The following IPMK variants were observed in gnomAD, a reference collection of about 807,000 sequenced individuals.
IPMK encodes the protein inositol 1,3,4,6-tetrakisphosphate 5-kinase.
Under a neutral mutation model 45.8 loss-of-function variants are expected in IPMK, and 17 were observed. The observed-to-expected ratio is 0.37, with a 90% CI of 0.25 to 0.56. IPMK has a LOEUF of 0.56. Among genes scored for constraint, IPMK ranks in the 20% least tolerant of loss-of-function variants. The pLI, the probability that IPMK is intolerant of heterozygous loss-of-function variation, is 0.79. For synonymous variants in IPMK, 180 were observed against 184.3 expected, an observed-to-expected ratio of 0.98 and a Z score of 0.19; for missense variants, 399 against 498.0, an observed-to-expected ratio of 0.80 and a Z score of 1.89.
At chr10:58,218,260 G>A (rs1486723747) in intron 3 of IPMK, among the ~76,000 whole-genome samples, 1 of 152,162 alleles carries the variant, frequency 6.6e-6, no homozygotes, top group African/African-American at 2.4e-5. Context: ...TCTTGACAGA[G>A]ATATGAAACT....
At chr10:58,229,837 T>C (rs770556931) in intron 2 of IPMK, among the ~76,000 whole-genome samples, 5 of 152,020 alleles carry the variant, frequency 3.3e-5, no homozygotes, top group Admixed American at 6.6e-5. Flanking sequence ...GTTCACATCA[T>C]TGGGATTGGC....
intron 5 of IPMK, among the ~76,000 whole-genome samples, chr10:58,198,243 T>C (rs899144153): frequency 1.3e-5 from 2 of 152,232 alleles, no homozygotes; most frequent in Non-Finnish European, 2.9e-5. Context: ...CTTTTGGGAA[T>C]AGCACTTTCC....
At chr10:58,231,616 C>G (rs1471080054) in intron 2 of IPMK, among the ~76,000 whole-genome samples, 4 of 152,118 alleles carry the variant, frequency 2.6e-5, no homozygotes, top group Non-Finnish European at 5.9e-5. Flanking sequence ...CCTTTACAGA[C>G]AAGTAAATGC....
chr10:58,235,971 C>G (rs940237227), intron 2 of IPMK, among the ~76,000 whole-genome samples: 16 of 151,856 alleles, frequency 1.1e-4, no homozygotes, highest in African/African-American at 3.9e-4. Flanking sequence ...CCTGTCCCCC[C>G]ATGCTGGAGT....
At chr10:58,262,099 T>TG (rs1475538734) in intron 1 of IPMK, among the ~76,000 whole-genome samples, 1 of 151,032 alleles carries the variant, frequency 6.6e-6, no homozygotes, top group African/African-American at 2.4e-5. Flanking sequence ...GTCGTGGGGT[T>TG]GGGGGGATGG....
chr10:58,246,525 A>T (rs1207820957), intron 1 of IPMK, among the ~76,000 whole-genome samples: 4 of 140,434 alleles, frequency 2.8e-5, no homozygotes, highest in Non-Finnish European at 1.5e-5. Context: ...CCGATCTTTG[A>T]CAAACCTGAT....
intron 1 of IPMK, among the ~76,000 whole-genome samples, chr10:58,264,418 C>T (rs1839118661): frequency 6.6e-6 from 1 of 152,068 alleles, no homozygotes; most frequent in African/African-American, 2.4e-5. Context: ...AGTTTAAATC[C>T]TTGTTTTCCC....
rs982595244 is a variant in IPMK at position 58,253,044 on chromosome 10, T to C, written c.190+14378A>G. 9.2e-5 allele frequency among the ~76,000 whole-genome samples: 14 copies of C among 152,316 alleles called. No homozygotes were observed. The South Asian group carries it at 2.3e-3, about 25-fold the overall frequency. On this transcript the variant is annotated intron_variant, in intron 1 of 5. Transcript: ENST00000373935. Reference sequence around the variant, plus strand: ...CCCACCCAAATCTTACCTTGAATTGTAGTAATCCTCACATGTCAAGGGCAA... The same window carrying C: ...CCCACCCAAATCTTACCTTGAATTGCAGTAATCCTCACATGTCAAGGGCAA...
At chr10:58,207,073 G>T (rs1838081386) in intron 4 of IPMK, among the ~76,000 whole-genome samples, 1 of 152,270 alleles carries the variant, frequency 6.6e-6, no homozygotes, top group East Asian at 1.9e-4. Context: ...CACGATCTCA[G>T]CTCACTGCAA....
intron 2 of IPMK, among the ~76,000 whole-genome samples, chr10:58,229,240 T>C (rs1038743813): frequency 6.6e-6 from 1 of 152,046 alleles, no homozygotes; most frequent in Non-Finnish European, 1.5e-5. Context: ...AAAAGCTTTG[T>C]CAAGAGGGCA....
At chr10:58,243,121 A>G (rs1369650491) in intron 1 of IPMK, among the ~76,000 whole-genome samples, 1 of 152,176 alleles carries the variant, frequency 6.6e-6, no homozygotes, top group Admixed American at 6.5e-5. Context: ...AAAATGAACT[A>G]ATACACTATC....
chr10:58,205,577 C>T (rs535625158), intron 4 of IPMK, among the ~76,000 whole-genome samples: 12 of 152,092 alleles, frequency 7.9e-5, no homozygotes, highest in African/African-American at 2.7e-4. Context: ...GTAAAATGAA[C>T]GGTGAAGCCA....
chr10:58,239,636 C>T (rs1838667180), intron 1 of IPMK, among the ~76,000 whole-genome samples: 1 of 152,128 alleles, frequency 6.6e-6, no homozygotes, highest in South Asian at 2.1e-4. Flanking sequence ...ATATGTCTCC[C>T]ATATTACTCA....
At chr10:58,245,336 G>T (rs976482680) in intron 1 of IPMK, among the ~76,000 whole-genome samples, 4 of 151,976 alleles carry the variant, frequency 2.6e-5, no homozygotes, top group African/African-American at 9.7e-5. Context: ...AAGTAGGCTA[G>T]AAAATAATGG....
At chr10:58,261,349 G>A (rs1839063317) in intron 1 of IPMK, among the ~76,000 whole-genome samples, 1 of 151,772 alleles carries the variant, frequency 6.6e-6, no homozygotes, top group South Asian at 2.1e-4. Context: ...TGGATGGGGT[G>A]GAGTGATAAG....
chr10:58,258,574 G>C (rs1250479576), intron 1 of IPMK, among the ~76,000 whole-genome samples: 3 of 151,904 alleles, frequency 2.0e-5, no homozygotes, highest in African/African-American at 7.3e-5. Flanking sequence ...AAGATATTTA[G>C]GAAAATACCA....
In IPMK at chr10:58,193,007, T is replaced by A. The variant is rs1369501802; in HGVS notation, c.*3069A>T. 6.6e-6 allele frequency: 1 copy of A among 151,986 alleles called. No homozygotes were observed. The allele number at this position is 151,986 out of a possible 1,614,324, so 9.4% of individuals were successfully genotyped here. A position where few individuals can be genotyped will look rare whatever the true frequency, so the allele number is the denominator to read the frequency against. ...AAGAGAAAATGTACTAAAATGACAA[T>A]GCTTTACCATAGTGGACACAATTCC... is the stretch of plus-strand genomic sequence containing the variant. On this transcript the variant is annotated 3_prime_UTR_variant, in exon 6 of 6. Coordinates refer to ENST00000373935, the MANE Select transcript of IPMK (RefSeq NM_152230.5).
chr10:58,263,521 T>TA (rs57830906), intron 1 of IPMK, among the ~76,000 whole-genome samples: 43,378 of 144,974 alleles, frequency 0.3, 8,564 homozygotes, highest in African/African-American at 0.58. Flanking sequence ...AAGACTCCGT[T>TA]AAAAAAAAAA....
At chr10:58,207,281 G>A (rs536657481) in intron 4 of IPMK, among the ~76,000 whole-genome samples, 15 of 152,222 alleles carry the variant, frequency 9.9e-5, no homozygotes, top group Non-Finnish European at 1.8e-4. Flanking sequence ...GGGATTACAG[G>A]CAATCACATT....
Sources: allele counts gnomAD v4.1 joint callset (sites outside exome capture counted in the v4.1 genomes callset), GRCh38; gene constraint gnomAD v4.1.1; transcripts MANE v1.5; gene names NCBI Gene and HGNC (gene_info 2026-07-23, HGNC 2026-07-21).